The following SUPT3H variants were observed in gnomAD, a reference collection of about 807,000 sequenced individuals.
SUPT3H encodes transcription initiation protein SPT3 homolog.
Under a neutral mutation model 44.3 loss-of-function variants are expected in SUPT3H, and 44 were observed. The ratio of observed to expected loss-of-function variants is 0.99; its 90% CI spans 0.78 to 1.28. The LOEUF is 1.28. SUPT3H is among the 50% of genes most tolerant of loss of function. The probability of loss-of-function intolerance (pLI) is 0.00; values close to 1 mark genes in which losing one functional copy is unlikely to be tolerated. For missense variants in SUPT3H, 380 were observed against 387.1 expected, an observed-to-expected ratio of 0.98 and a Z score of 0.15; for synonymous variants, 124 against 125.6, an observed-to-expected ratio of 0.99 and a Z score of 0.09.
At chr6:45,207,346 G>A (rs1428241479) in intron 2 of SUPT3H, among the ~76,000 whole-genome samples, 1 of 152,158 alleles carries the variant, frequency 6.6e-6, no homozygotes, top group South Asian at 2.1e-4. Flanking sequence ...CCTGAGAAGA[G>A]CAGCTTTGGT....
chr6:44,897,600 A>G (rs1764302646), intron 10 of SUPT3H, among the ~76,000 whole-genome samples: 1 of 152,202 alleles, frequency 6.6e-6, no homozygotes, highest in South Asian at 2.1e-4. Context: ...ACCCTAAGCA[A>G]AGGCCATGCT....
chr6:44,871,410 T>TGTC, intron 10 of SUPT3H, among the ~76,000 whole-genome samples: 1 of 11,846 alleles, frequency 8.4e-5, no homozygotes, highest in Admixed American at 6.8e-4. Flanking sequence ...CACGGCAGGG[T>TGTC]ATTCCAACAG....
Position 45,332,843 on chromosome 6 carries a change from T to G in SUPT3H, c.101+32358A>C, listed in dbSNP as rs143929925. ...TCACTCACAAGTCAGACATTACTAA[T>G]CAGGTGCTAGCAGATCCAATGGTAA... On this transcript the variant is annotated intron_variant, in intron 2 of 10. Coordinates refer to ENST00000371459, the MANE Select transcript of SUPT3H (RefSeq NM_003599.4). Among the ~76,000 whole-genome samples, 302 of 151,866 alleles carry G rather than the reference T, an allele frequency of 2.0e-3. 2 individuals are homozygous for G. The highest frequency in any genetic ancestry group is 0.014 in the Middle Eastern group (4 of 294).
chr6:45,032,744 C>G (rs1787131576), intron 3 of SUPT3H, among the ~76,000 whole-genome samples: 1 of 152,130 alleles, frequency 6.6e-6, no homozygotes, highest in African/African-American at 2.4e-5. Context: ...AAGCATAGAC[C>G]TAAGCACTCC....
intron 3 of SUPT3H, among the ~76,000 whole-genome samples, chr6:45,028,117 G>T (rs1225697086): frequency 6.6e-6 from 1 of 152,068 alleles, no homozygotes; most frequent in Non-Finnish European, 1.5e-5. Flanking sequence ...AATTTCTATT[G>T]TCTGTTTTTT....
chr6:45,113,827 C>CAAAAAAAAAAAAAAAAAAAAAAAAAAAA (rs374606230), intron 2 of SUPT3H, among the ~76,000 whole-genome samples: 1 of 112,794 alleles, frequency 8.9e-6, no homozygotes, highest in African/African-American at 3.4e-5. Context: ...AAGACTCCAT[C>CAAAAAAAAAAAAAAAAAAAAAAAAAAAA]AAAAAAAAAA....
intron 6 of SUPT3H, among the ~76,000 whole-genome samples, chr6:44,975,681 C>T (rs1432047159): frequency 6.6e-6 from 1 of 151,972 alleles, no homozygotes; most frequent in Non-Finnish European, 1.5e-5. Flanking sequence ...CACTAAAGAA[C>T]TTATACACGT....
At chr6:44,864,748 C>CA (rs1023721019) in intron 10 of SUPT3H, among the ~76,000 whole-genome samples, 19 of 151,672 alleles carry the variant, frequency 1.3e-4, no homozygotes, top group African/African-American at 1.7e-4. Context: ...GCCCAGCCCA[C>CA]AAAAAAAACA....
At chr6:45,357,423 T>C (rs920611492) in intron 2 of SUPT3H, among the ~76,000 whole-genome samples, 1 of 151,268 alleles carries the variant, frequency 6.6e-6, no homozygotes, top group Non-Finnish European at 1.5e-5. Context: ...CGTAACCTCC[T>C]AGGTGCAAGT....
At chr6:45,334,111 A>G (rs566174224) in intron 2 of SUPT3H, among the ~76,000 whole-genome samples, 1 of 151,274 alleles carries the variant, frequency 6.6e-6, no homozygotes, top group Non-Finnish European at 1.5e-5. Context: ...CCTATTGCCA[A>G]TTCTCTTAAT....
chr6:45,124,265 T>TAA (rs71536350), intron 2 of SUPT3H, among the ~76,000 whole-genome samples: 22,054 of 151,206 alleles, frequency 0.15, 3,267 homozygotes, highest in African/African-American at 0.38. Context: ...GTTCCACTGT[T>TAA]AAAAAAAAAC....
chr6:45,146,851 A>AAGC (rs1806166045), intron 2 of SUPT3H, among the ~76,000 whole-genome samples: 1 of 152,140 alleles, frequency 6.6e-6, no homozygotes, highest in Non-Finnish European at 1.5e-5. Context: ...AGAATGGTAT[A>AAGC]AGCAAAGATG....
intron 10 of SUPT3H, among the ~76,000 whole-genome samples, chr6:44,928,974 T>C (rs931727369): frequency 6.8e-6 from 1 of 146,938 alleles, no homozygotes; most frequent in African/African-American, 2.5e-5. Context: ...AACCACTGAG[T>C]GGGGACGGAT....
chr6:45,206,464 GACA>G (rs1763237315), intron 2 of SUPT3H, among the ~76,000 whole-genome samples: 1 of 150,768 alleles, frequency 6.6e-6, no homozygotes. Context: ...GAAAAGTGAG[GACA>G]CACAGCCCAT....
At chr6:45,054,334 G>A (rs1190375741) in intron 3 of SUPT3H, among the ~76,000 whole-genome samples, 3 of 152,070 alleles carry the variant, frequency 2.0e-5, no homozygotes, top group East Asian at 1.9e-4. Context: ...AAGGAATGTC[G>A]CACAGGGATA....
chr6:45,308,422 A>G (rs2149974061), intron 2 of SUPT3H, among the ~76,000 whole-genome samples: 1 of 152,356 alleles, frequency 6.6e-6, no homozygotes, highest in South Asian at 2.1e-4. Flanking sequence ...ACGAGCCAGA[A>G]GAGAGTGGGG....
intron 6 of SUPT3H, among the ~76,000 whole-genome samples, chr6:44,985,012 G>C (rs1198130364): frequency 1.3e-5 from 2 of 151,622 alleles, no homozygotes; most frequent in Non-Finnish European, 2.9e-5. Flanking sequence ...TTGTGTCATT[G>C]AAAATTTGTG....
chr6:45,290,899 G>A (rs1780206607), intron 2 of SUPT3H, among the ~76,000 whole-genome samples: 1 of 152,134 alleles, frequency 6.6e-6, no homozygotes, highest in Non-Finnish European at 1.5e-5. Flanking sequence ...ATGGCAGACA[G>A]GAGGCAGGAC....
chr6:44,836,132 T>C (rs574306224), intron 10 of SUPT3H, among the ~76,000 whole-genome samples: 1 of 152,246 alleles, frequency 6.6e-6, no homozygotes, highest in African/African-American at 2.4e-5. Context: ...CAAATGGTGG[T>C]CTAAGACTCT....
Sources: allele counts gnomAD v4.1 joint callset (sites outside exome capture counted in the v4.1 genomes callset), GRCh38; gene constraint gnomAD v4.1.1; transcripts MANE v1.5; gene names NCBI Gene and HGNC (gene_info 2026-07-23, HGNC 2026-07-21).